CACNA1C: variants seen among roughly 807,000 people sequenced by gnomAD.
The protein encoded by CACNA1C is voltage-dependent L-type calcium channel subunit alpha-1C.
In CACNA1C, 30 loss-of-function variants were observed where a neutral mutation model predicts 229.0. The ratio of observed to expected loss-of-function variants is 0.13; its 90% CI spans 0.10 to 0.18. The LOEUF (loss-of-function observed/expected upper bound fraction) is 0.18, where lower values mean the gene tolerates loss of function less well. CACNA1C is among the 10% of genes least tolerant of loss of function. CACNA1C has a pLI of 1.00. For synonymous variants in CACNA1C, 1,114 were observed against 1,132.5 expected (o/e 0.98, Z 0.33); for missense variants, 1,658 against 2,845.0 (o/e 0.58, Z 9.49).
intron 3 of CACNA1C, among the ~76,000 whole-genome samples, chr12:2,141,507 G>T (rs1020019325): frequency 2.0e-5 from 3 of 151,350 alleles, no homozygotes; most frequent in East Asian, 1.9e-4. Flanking sequence ...GTGTTTTCCC[G>T]TCTCTTTTGT....
chr12:2,046,308 G>T (rs1401058806), intron 1 of CACNA1C, among the ~76,000 whole-genome samples: 1 of 152,132 alleles, frequency 6.6e-6, no homozygotes, highest in Non-Finnish European at 1.5e-5. Flanking sequence ...GGGTCAGCAG[G>T]TCACCCAGAT....
At chr12:2,425,213 A>G (rs1006966784) in intron 3 of CACNA1C, among the ~76,000 whole-genome samples, 2 of 152,288 alleles carry the variant, frequency 1.3e-5, no homozygotes, top group African/African-American at 4.8e-5. Context: ...AGGTTATTGG[A>G]AATGATATTG....
intron 1 of CACNA1C, among the ~76,000 whole-genome samples, chr12:2,002,701 G>T (rs2042446393): frequency 6.6e-6 from 1 of 152,126 alleles, no homozygotes; most frequent in African/African-American, 2.4e-5. Flanking sequence ...TCAACTTACA[G>T]AACTATACAT....
At chr12:2,146,584 CA>C (rs2094730429) in intron 3 of CACNA1C, among the ~76,000 whole-genome samples, 1 of 151,020 alleles carries the variant, frequency 6.6e-6, no homozygotes, top group African/African-American at 2.4e-5. Flanking sequence ...AGGCGGTGGG[CA>C]CAGGCCTAGG....
intron 29 of CACNA1C, chr12:2,612,239 T>C (rs1458955987): frequency 1.8e-5 from 9 of 508,122 alleles, no homozygotes; most frequent in Admixed American, 3.2e-5. Flanking sequence ...CTGGCTGGCA[T>C]GCACAAGCTG....
At chr12:2,572,366 TTCTC>T (rs1242149521) in intron 13 of CACNA1C, among the ~76,000 whole-genome samples, 3 of 4,984 alleles carry the variant, frequency 6.0e-4, no homozygotes, top group Non-Finnish European at 9.7e-4. Flanking sequence ...CTCCTCCTCC[TTCTC>T]CTCTTCCTCC....
At chr12:2,085,500 G>A (rs954913719) in intron 1 of CACNA1C, among the ~76,000 whole-genome samples, 10 of 152,222 alleles carry the variant, frequency 6.6e-5, no homozygotes, top group African/African-American at 2.4e-4. Context: ...GCCAAGCCAG[G>A]TACCTGGAAG....
At chr12:2,162,135 C>T (rs1256221318) in intron 3 of CACNA1C, among the ~76,000 whole-genome samples, 1 of 152,134 alleles carries the variant, frequency 6.6e-6, no homozygotes, top group Non-Finnish European at 1.5e-5. Context: ...CCTAACTGCT[C>T]CTGTCTACCT....
At chr12:2,136,569 G>T (rs575275150) in intron 3 of CACNA1C, among the ~76,000 whole-genome samples, 22 of 151,404 alleles carry the variant, frequency 1.5e-4, no homozygotes, top group African/African-American at 5.3e-4. Context: ...TATGCAGTGT[G>T]TGCGCTTCTG....
chr12:2,143,604 C>A (rs2094461124), intron 3 of CACNA1C, among the ~76,000 whole-genome samples: 1 of 151,322 alleles, frequency 6.6e-6, no homozygotes, highest in African/African-American at 2.4e-5. Flanking sequence ...ATGTAGCATA[C>A]AGTCTGCGTG....
intron 8 of CACNA1C, among the ~76,000 whole-genome samples, chr12:2,510,193 G>A (rs1009884439): frequency 6.6e-6 from 1 of 152,246 alleles, no homozygotes; most frequent in Non-Finnish European, 1.5e-5. Flanking sequence ...GCCCAGTGCA[G>A]ACTGTCAGGC....
Position 2,647,430 on chromosome 12 carries a change from G to A in CACNA1C, c.3913-1045G>A, listed in dbSNP as rs1290623375. 1.3e-5 allele frequency among the ~76,000 whole-genome samples: 2 copies of A among 152,254 alleles called. No homozygotes were observed. The highest frequency in any genetic ancestry group is 6.5e-5 in the Admixed American group (1 of 15,292). On this transcript the variant is annotated intron_variant, in intron 30 of 46. Transcript: ENST00000399655. This position sits in a 1 kb window ranked among gnomAD's most constrained non-coding sequence, Gnocchi z 4.2. The stretch of plus-strand genomic sequence containing the variant: ...CCAAATGAGTTCAGCAGTCAGACCC[G>A]TGAGAACAGCTTCCTGGGGTGTTAG...
chr12:2,135,968 GC>G (rs1207341209), intron 3 of CACNA1C, among the ~76,000 whole-genome samples: 5 of 149,984 alleles, frequency 3.3e-5, no homozygotes, highest in East Asian at 3.9e-4. Flanking sequence ...GACTCCGTGG[GC>G]GTAGGACCCT....
intron 3 of CACNA1C, among the ~76,000 whole-genome samples, chr12:2,388,949 T>C (rs1299466411): frequency 6.6e-6 from 1 of 152,100 alleles, no homozygotes; most frequent in Non-Finnish European, 1.5e-5. Context: ...GGGAGAGAAA[T>C]GTAGATTGGG....
chr12:2,179,146 T>C (rs759216020), intron 3 of CACNA1C, among the ~76,000 whole-genome samples: 3 of 152,242 alleles, frequency 2.0e-5, no homozygotes, highest in Non-Finnish European at 2.9e-5. Context: ...CTAATAGTTA[T>C]TTAATGGATA....
chr12:2,042,570 T>C (rs937419725), intron 1 of CACNA1C, among the ~76,000 whole-genome samples: 4 of 152,184 alleles, frequency 2.6e-5, no homozygotes, highest in African/African-American at 7.2e-5. Context: ...CACCAGTATT[T>C]CCTAGATTTC....
chr12:2,155,249 T>C (rs891363909), intron 3 of CACNA1C, among the ~76,000 whole-genome samples: 14 of 152,156 alleles, frequency 9.2e-5, no homozygotes, highest in African/African-American at 3.1e-4. Flanking sequence ...TTGATGGACC[T>C]GTGGACAACA....
intron 26 of CACNA1C, 64 bp downstream of exon 26, chr12:2,607,194 C>A: frequency 6.6e-7 from 1 of 1,522,932 alleles, no homozygotes; most frequent in Admixed American, 2.0e-5. Context: ...ACTTTCCAGC[C>A]CATCCCCAAG....
intron 3 of CACNA1C, among the ~76,000 whole-genome samples, chr12:2,368,817 A>G (rs148761739): frequency 6.6e-6 from 1 of 152,222 alleles, no homozygotes; most frequent in African/African-American, 2.4e-5. Context: ...GCTTAGAAAA[A>G]TAATTCTAGA....
Sources: gnomAD v4.1 joint callset for allele counts (sites outside exome capture counted in the v4.1 genomes callset) on GRCh38, gnomAD v4.1.1 for gene constraint, Gnocchi (gnomAD v3.1) non-coding constraint, MANE v1.5 for transcripts, NCBI Gene and HGNC (gene_info 2026-07-23, HGNC 2026-07-21) for gene names.